Variants in CRLF2 observed in about 807,000 individuals in gnomAD.
CRLF2 encodes the protein cytokine receptor-like factor 2.
Under a neutral mutation model 38.7 loss-of-function variants are expected in CRLF2, and 41 were observed. That is an observed-to-expected ratio of 1.06 (90% CI 0.83 to 1.37). The LOEUF is 1.37. Ranked by LOEUF, CRLF2 falls within the 40% of genes most tolerant of loss-of-function variation. CRLF2 has a pLI of 0.00. For missense variants in CRLF2, 377 were observed against 322.2 expected, an observed-to-expected ratio of 1.17 and a Z score of -1.30; for synonymous variants, 140 against 128.8, an observed-to-expected ratio of 1.09 and a Z score of -0.59.
chrX:1,211,357 GTGGA>G (rs762348364), intron 1 of CRLF2, among the ~76,000 whole-genome samples: 5,610 of 46,074 alleles, frequency 0.12, 306 homozygotes, highest in Admixed American at 0.16. Context: ...GGGTGGATGG[GTGGA>G]TGGATGGATG....
intron 7 of CRLF2, among the ~76,000 whole-genome samples, chrX:1,192,623 T>C (rs2086404753): frequency 7.3e-6 from 1 of 136,672 alleles, no homozygotes; most frequent in Non-Finnish European, 1.7e-5. Flanking sequence ...TCCTTCTTTC[T>C]CTCTCTTTCT....
chrX:1,200,027 GTA>G (rs199656241), intron 4 of CRLF2, among the ~76,000 whole-genome samples: 30,253 of 149,258 alleles, frequency 0.2, 3,123 homozygotes, highest in East Asian at 0.28. Context: ...TATAAGCTCT[GTA>G]TATATGTGTG....
intron 6 of CRLF2, among the ~76,000 whole-genome samples, chrX:1,195,141 C>T (rs1166317430): frequency 1.3e-5 from 2 of 151,818 alleles, no homozygotes; most frequent in Non-Finnish European, 2.9e-5. Context: ...TGCAGTGAGC[C>T]GAGATCACGC....
At position 1,204,950 on chromosome X, in the gene CRLF2, G is replaced by A. The variant is rs1650527832; in HGVS notation, c.349+1483C>T. Reference sequence around the variant, plus strand: ...TTTCCCTGCCTCAGCCTCCCGAACAGCTAGGATTACAGGCATGCGCCACCA... The same window carrying A: ...TTTCCCTGCCTCAGCCTCCCGAACAACTAGGATTACAGGCATGCGCCACCA... On this transcript the variant is annotated intron_variant, in intron 3 of 7. Coordinates refer to ENST00000400841, the MANE Select transcript of CRLF2 (RefSeq NM_022148.4). 3.9e-5 allele frequency among the ~76,000 whole-genome samples: 6 copies of A among 152,056 alleles called. No homozygotes were observed. In the South Asian group the frequency reaches 1.2e-3, roughly 32 times the overall value.
At chrX:1,202,636 A>C in intron 3 of CRLF2, 101 bp from the exon 4 acceptor site, 1 of 1,303,362 alleles carries the variant, frequency 7.7e-7, no homozygotes, top group Non-Finnish European at 1.0e-6. Flanking sequence ...TCCTCCCCTT[A>C]ATACCTTATG....
chrX:1,210,919 AGGTGAATG>A (rs1377916805), intron 1 of CRLF2, among the ~76,000 whole-genome samples: 2 of 151,220 alleles, frequency 1.3e-5, no homozygotes, highest in Admixed American at 6.6e-5. Context: ...ACAGATACAC[AGGTGAATG>A]GGTGGATGGG....
intron 6 of CRLF2, among the ~76,000 whole-genome samples, chrX:1,195,786 T>A (rs1310597274): frequency 5.1e-5 from 6 of 117,398 alleles, no homozygotes; most frequent in Admixed American, 3.6e-4. Context: ...TTATATAATT[T>A]TATATATATT....
At position 1,198,600 on chromosome X, in the gene CRLF2, C is replaced by T; in HGVS notation, c.608G>A (p.Trp203Ter). ...VYGPDTYPSD[W>*]SEVTCWQRGE... ...TCTCTGCCAGCATGTCACCTCTGACCAGTCGCTTGGGTATGTGTCTGGCCC... is the reference window on the plus strand; with the variant it reads ...TCTCTGCCAGCATGTCACCTCTGACTAGTCGCTTGGGTATGTGTCTGGCCC... The change falls in exon 5 of 8, where the codon TGG (tryptophan) becomes TAG (stop). Residue 203 changes from tryptophan (W) to a stop codon, truncating the protein, a stop_gained. Coordinates refer to ENST00000400841, the MANE Select transcript of CRLF2 (RefSeq NM_022148.4). LOFTEE classifies it high-confidence loss of function. 6.2e-7 allele frequency: 1 copy of T among 1,613,718 alleles called. No individual in the cohort carries two copies. The highest frequency in any genetic ancestry group is 8.5e-7 in the Non-Finnish European group (1 of 1,179,702).
intron 6 of CRLF2, among the ~76,000 whole-genome samples, chrX:1,194,687 A>G (rs1306932099): frequency 6.6e-6 from 1 of 152,010 alleles, no homozygotes; most frequent in Admixed American, 6.6e-5. Context: ...ATGATAGTAA[A>G]ATGAGGTCAC....
At chrX:1,198,761 AC>A in intron 4 of CRLF2, 37 bp from the exon 5 acceptor site, 1 of 1,400,132 alleles carries the variant, frequency 7.1e-7, no homozygotes, top group Non-Finnish European at 9.9e-7. Flanking sequence ...ACACACACAC[AC>A]ACACACACAC....
intron 4 of CRLF2, among the ~76,000 whole-genome samples, chrX:1,200,295 T>G (rs1433472580): frequency 1.4e-5 from 2 of 147,500 alleles, no homozygotes; most frequent in East Asian, 4.1e-4. Flanking sequence ...TATATATACG[T>G]GTATATAAGC....
At chrX:1,199,928 A>ACGTGTGTTG (rs1231107303) in intron 4 of CRLF2, among the ~76,000 whole-genome samples, 75,958 of 150,390 alleles carry the variant, frequency 0.51, 19,601 homozygotes, top group East Asian at 0.68. Flanking sequence ...TAAGCTGTGT[A>ACGTGTGTTG]TGTAAGGTGT....
intron 2 of CRLF2, among the ~76,000 whole-genome samples, chrX:1,208,462 G>C (rs1462961210): frequency 3.3e-5 from 5 of 152,134 alleles, no homozygotes; most frequent in Non-Finnish European, 7.3e-5. Flanking sequence ...GGGAGGCTGA[G>C]GCAGGGGAAT....
At chrX:1,202,272 G>T in intron 4 of CRLF2, 130 bp downstream of exon 4, 1 of 1,072,940 alleles carries the variant, frequency 9.3e-7, no homozygotes, top group Non-Finnish European at 1.3e-6. Flanking sequence ...CTCTCAGGAA[G>T]ATACAGCAGA....
chrX:1,201,812 A>C (rs866749348), intron 4 of CRLF2, among the ~76,000 whole-genome samples: 1 of 152,114 alleles, frequency 6.6e-6, no homozygotes, highest in African/African-American at 2.4e-5. Flanking sequence ...AGGTAGTTAG[A>C]TAGAGATGAT....
At chrX:1,192,450 A>C (rs2086401110) in intron 7 of CRLF2, among the ~76,000 whole-genome samples, 1 of 150,902 alleles carries the variant, frequency 6.6e-6, no homozygotes. Flanking sequence ...ACCCATCTGT[A>C]CTAAAAATAC....
intron 6 of CRLF2, among the ~76,000 whole-genome samples, chrX:1,195,542 G>A (rs1451841477): frequency 1.3e-5 from 2 of 148,988 alleles, no homozygotes; most frequent in Admixed American, 1.4e-4. Flanking sequence ...CAAATAGCTG[G>A]GACTACAAGT....
At chrX:1,192,748 CTT>C (rs1259005599) in intron 7 of CRLF2, among the ~76,000 whole-genome samples, 1 of 118,928 alleles carries the variant, frequency 8.4e-6, no homozygotes, top group Admixed American at 9.4e-5. Context: ...TTCTTTCTTT[CTT>C]TCTTTCTTTC....
rs369256719 is a variant in CRLF2 at position 1,212,418 on chromosome X, GAAAA to G, written c.79+134_79+137del. 2.6e-3 allele frequency: 1,111 copies of G among 429,912 alleles called. 1 individual carries two copies. Among genetic ancestry groups the G allele is most frequent in the African/African-American group, 5.6e-3 (213 of 38,004 alleles). 26.6% of individuals were successfully genotyped at this position (429,912 alleles called of 1,614,324 possible). ...GAGGCAGGAGAATTGCTTGAACCCG[GAAAA>G]AAAAAAAAAAAAAAAAGAAAAGAAG... On this transcript the variant is annotated intron_variant, in intron 1 of 7. Transcript: ENST00000400841.
Sources: allele counts gnomAD v4.1 joint callset (sites outside exome capture counted in the v4.1 genomes callset), GRCh38; gene constraint gnomAD v4.1.1; transcripts MANE v1.5; gene names NCBI Gene and HGNC (gene_info 2026-07-23, HGNC 2026-07-21).